ATAD1: variants seen among roughly 807,000 people sequenced by gnomAD.
ATAD1 encodes ATPase family AAA domain containing 1, also known as outer mitochondrial transmembrane helix translocase.
ATAD1 carries 18 observed loss-of-function variants against 42.7 expected under a neutral mutation model. The ratio of observed to expected loss-of-function variants is 0.42; its 90% CI spans 0.29 to 0.63. The LOEUF (loss-of-function observed/expected upper bound fraction) is 0.63, where lower values mean the gene tolerates loss of function less well. ATAD1 is among the 20% of genes least tolerant of loss of function. The pLI is 0.19. For missense variants in ATAD1, 294 were observed against 440.4 expected (o/e 0.67, Z 2.98); for synonymous variants, 132 against 143.1 (o/e 0.92, Z 0.55).
chr10:87,777,843 T>C (rs942379406), intron 5 of ATAD1, among the ~76,000 whole-genome samples: 8 of 152,270 alleles, frequency 5.3e-5, no homozygotes, highest in Non-Finnish European at 1.2e-4. Flanking sequence ...CACATTACCA[T>C]GACACATGAG....
intron 5 of ATAD1, among the ~76,000 whole-genome samples, chr10:87,781,468 C>T (rs1855555184): frequency 6.6e-6 from 1 of 152,106 alleles, no homozygotes; most frequent in South Asian, 2.1e-4. Context: ...TTAAGTTGTA[C>T]CATTATTTTG....
At chr10:87,761,011 T>C (rs2131769659) in intron 8 of ATAD1, among the ~76,000 whole-genome samples, 1 of 152,236 alleles carries the variant, frequency 6.6e-6, no homozygotes, top group Non-Finnish European at 1.5e-5. Context: ...CAGTATCATT[T>C]CAAAAGCTTC....
At chr10:87,801,275 A>C (rs1284293149) in intron 2 of ATAD1, among the ~76,000 whole-genome samples, 1 of 152,218 alleles carries the variant, frequency 6.6e-6, no homozygotes, top group Non-Finnish European at 1.5e-5. Flanking sequence ...TGTAGTATGA[A>C]GTTTTTTAAA....
chr10:87,825,787 A>G (rs545117627), intron 1 of ATAD1, among the ~76,000 whole-genome samples: 75 of 151,110 alleles, frequency 5.0e-4, no homozygotes, highest in African/African-American at 1.7e-3. Flanking sequence ...CTGCAGCCTC[A>G]AACTCCTCGG....
At chr10:87,821,796 G>A (rs1258862070), upstream of ATAD1, among the ~76,000 whole-genome samples, 1 of 152,174 alleles carries the variant, frequency 6.6e-6, no homozygotes, top group African/African-American at 2.4e-5. Flanking sequence ...CTCCAGAACT[G>A]GGAGAAATAA....
intron 2 of ATAD1, among the ~76,000 whole-genome samples, chr10:87,795,645 T>G (rs892162954): frequency 3.3e-5 from 5 of 152,142 alleles, no homozygotes; most frequent in Non-Finnish European, 7.4e-5. Flanking sequence ...TTTTTACCCT[T>G]TCATGCTATT....
chr10:87,792,608 A>C, intron 3 of ATAD1, 49 bp downstream of exon 3: 2 of 1,242,998 alleles, frequency 1.6e-6, no homozygotes, highest in Non-Finnish European at 1.2e-6. Context: ...AAATGCTAGA[A>C]CCCACCCCCA....
At chr10:87,817,838 A>T in intron 1 of ATAD1, 2 of 985,438 alleles carry the variant, frequency 2.0e-6, no homozygotes, top group Non-Finnish European at 2.4e-6. Flanking sequence ...CCTGGTTCTG[A>T]AGTCTTCCGG....
chr10:87,804,700 T>C (rs1196634207), intron 2 of ATAD1, among the ~76,000 whole-genome samples: 1 of 152,186 alleles, frequency 6.6e-6, no homozygotes, highest in African/African-American at 2.4e-5. Context: ...CTAAACAAAA[T>C]ACTGTATTTA....
intron 2 of ATAD1, among the ~76,000 whole-genome samples, chr10:87,811,013 A>G (rs1185775996): frequency 1.3e-5 from 2 of 152,048 alleles, no homozygotes; most frequent in Non-Finnish European, 2.9e-5. Flanking sequence ...TGCATTCTTT[A>G]CTTTGTTGAT....
upstream of ATAD1, among the ~76,000 whole-genome samples, chr10:87,820,828 A>G (rs998082609): frequency 1.3e-5 from 2 of 152,168 alleles, no homozygotes; most frequent in Non-Finnish European, 2.9e-5. Context: ...CATCAAATCA[A>G]TGAGATTCTT....
chr10:87,821,293 C>T (rs1302017084), upstream of ATAD1, among the ~76,000 whole-genome samples: 22 of 151,888 alleles, frequency 1.4e-4, 1 homozygote, highest in Admixed American at 1.2e-3. Flanking sequence ...TTTGGGAGGC[C>T]GAGGCAGGTG....
intron 2 of ATAD1, among the ~76,000 whole-genome samples, chr10:87,813,384 G>C (rs1436860564): frequency 2.0e-5 from 3 of 149,834 alleles, no homozygotes; most frequent in African/African-American, 7.4e-5. Context: ...ACCCTGGTCA[G>C]ACTTCCCAGA....
intron 9 of ATAD1, among the ~76,000 whole-genome samples, chr10:87,755,951 G>A (rs924947373): frequency 5.3e-5 from 8 of 152,146 alleles, no homozygotes; most frequent in Non-Finnish European, 1.0e-4. Context: ...GTGCACTAAC[G>A]ATGATGAGAC....
chr10:87,797,588 C>G (rs190534734), intron 2 of ATAD1, among the ~76,000 whole-genome samples: 42 of 152,316 alleles, frequency 2.8e-4, no homozygotes, highest in African/African-American at 1.0e-3. Flanking sequence ...CTTCTTAAGT[C>G]TAAACCTCTG....
chr10:87,810,521 G>A (rs1297061308), intron 2 of ATAD1, among the ~76,000 whole-genome samples: 1 of 151,820 alleles, frequency 6.6e-6, no homozygotes, highest in African/African-American at 2.4e-5. Context: ...TGTATTTTCA[G>A]GCTACATCAA....
Position 87,814,618 on chromosome 10 carries a change from A to G in ATAD1, c.-13-6T>C. 2.5e-6 allele frequency: 4 copies of G among 1,580,810 alleles called. No individual in the cohort carries two copies. The highest frequency in any genetic ancestry group is 2.6e-6 in the Non-Finnish European group (3 of 1,165,560). On this transcript the variant is annotated splice_polypyrimidine_tract_variant and splice_region_variant and intron_variant, in intron 1 of 9. Coordinates refer to ENST00000680024, the MANE Select transcript of ATAD1 (RefSeq NM_001321967.2). ...GTACCATCTTGAATGTTAACCTTAA[A>G]AAAACAAACAGAAATGTCACTAGGT...
At chr10:87,822,406 C>T (rs1857648099), upstream of ATAD1, among the ~76,000 whole-genome samples, 1 of 151,910 alleles carries the variant, frequency 6.6e-6, no homozygotes, top group African/African-American at 2.4e-5. Flanking sequence ...CTTGAAGCTC[C>T]AATAGAAAGA....
chr10:87,807,949 TTAAC>T (rs1014890616), intron 2 of ATAD1, among the ~76,000 whole-genome samples: 2 of 152,216 alleles, frequency 1.3e-5, no homozygotes, highest in Non-Finnish European at 2.9e-5. Context: ...GATGTTGAAT[TTAAC>T]TAAACTTTCA....
Sources: gnomAD v4.1 joint callset for allele counts (sites outside exome capture counted in the v4.1 genomes callset) on GRCh38, gnomAD v4.1.1 for gene constraint, MANE v1.5 for transcripts, NCBI Gene and HGNC (gene_info 2026-07-23, HGNC 2026-07-21) for gene names.